PCDHA2: variants seen among roughly 807,000 people sequenced by gnomAD.
PCDHA2 encodes the protein protocadherin alpha-2.
Under a neutral mutation model 66.0 loss-of-function variants are expected in PCDHA2, and 58 were observed. The ratio of observed to expected loss-of-function variants is 0.88; its 90% confidence interval spans 0.71 to 1.09. The LOEUF (loss-of-function observed/expected upper bound fraction) is 1.09, where lower values mean the gene tolerates loss of function less well. PCDHA2 is among the 50% of genes least tolerant of loss of function. The probability of loss-of-function intolerance (pLI) is 0.00; values close to 1 mark genes in which losing one functional copy is unlikely to be tolerated. For missense variants in PCDHA2, 1,267 were observed against 1,242.3 expected, an observed-to-expected ratio of 1.02 and a Z score of -0.30; for synonymous variants, 634 against 554.0, an observed-to-expected ratio of 1.14 and a Z score of -2.03.
At position 140,882,068 on chromosome 5, in the gene PCDHA2, C is replaced by A. The variant is rs1219461637; in HGVS notation, c.2388+84716C>A. 8.4e-6 allele frequency: 7 copies of A among 837,710 alleles called. No homozygotes were observed. The East Asian group carries it at 1.9e-4, about 22-fold the overall frequency. The allele number at this position is 837,710 out of a possible 1,614,324, so 51.9% of individuals were successfully genotyped here. On this transcript the variant is annotated intron_variant, in intron 1 of 3. Coordinates refer to ENST00000526136, the MANE Select transcript of PCDHA2 (RefSeq NM_018905.3). ...TCATACTTACACTTACACGTTCATG[C>A]GCATGGTGTCGCTCTTCACTGAGAA...
At chr5:140,915,716 C>T (rs2077274657) in intron 1 of PCDHA2, among the ~76,000 whole-genome samples, 1 of 152,024 alleles carries the variant, frequency 6.6e-6, no homozygotes, top group East Asian at 1.9e-4. Context: ...GTGGCCCCCA[C>T]TTTGGATTGT....
chr5:140,959,060 T>C (rs1201389008), intron 1 of PCDHA2, among the ~76,000 whole-genome samples: 1 of 152,138 alleles, frequency 6.6e-6, no homozygotes, highest in Admixed American at 6.5e-5. Context: ...AAATGCAGTA[T>C]ATATAGAATT....
chr5:141,003,796 G>A (rs2098138988), intron 3 of PCDHA2, among the ~76,000 whole-genome samples: 1 of 152,168 alleles, frequency 6.6e-6, no homozygotes, highest in Non-Finnish European at 1.5e-5. Context: ...ATCCTATTGG[G>A]TTGTAATCTG....
At chr5:140,809,147 C>A in intron 1 of PCDHA2, 1 of 1,613,916 alleles carries the variant, frequency 6.2e-7, no homozygotes, top group Non-Finnish European at 8.5e-7. Flanking sequence ...GGTGAAGGAC[C>A]ACGGCGAGCC....
In PCDHA2 at chr5:140,822,727, A is replaced by C. The variant is rs17844292; in HGVS notation, c.2388+25375A>C. 23 of 1,612,342 alleles carry C rather than the reference A, an allele frequency of 1.4e-5. No homozygotes were observed. In the East Asian group the frequency reaches 4.9e-4, roughly 34 times the overall value. On this transcript the variant is annotated intron_variant, in intron 1 of 3. Transcript: ENST00000526136. ...TGAAGACTATAACTCATATGAAATTAATATTGATGCCATGGATAAAAGTAC... is the reference window on the plus strand; with the variant it reads ...TGAAGACTATAACTCATATGAAATTCATATTGATGCCATGGATAAAAGTAC...
At chr5:140,896,710 T>C (rs1231459059) in intron 1 of PCDHA2, among the ~76,000 whole-genome samples, 2 of 152,160 alleles carry the variant, frequency 1.3e-5, no homozygotes, top group Non-Finnish European at 2.9e-5. Flanking sequence ...TGTTTGTTTT[T>C]TGCTTGTTAA....
In PCDHA2 at chr5:140,856,987, C is replaced by T. The variant is rs144244943; in HGVS notation, c.2388+59635C>T. ...ATGCTATTGACTTTGAGGACAGTAA[C>T]ACTTATGAAATTCATGTAGATGTTA... On this transcript the variant is annotated intron_variant, in intron 1 of 3. Coordinates refer to ENST00000526136, the MANE Select transcript of PCDHA2 (RefSeq NM_018905.3). The T allele has an allele frequency of 7.5e-6, 12 of 1,595,122 alleles. No individual in the cohort carries two copies. The African/African-American group carries it at 1.3e-4, about 18-fold the overall frequency.
At chr5:140,941,191 T>TTTTCTTTCTTTCTTTC (rs1217097209) in intron 1 of PCDHA2, among the ~76,000 whole-genome samples, 1 of 93,206 alleles carries the variant, frequency 1.1e-5, no homozygotes, top group Admixed American at 1.2e-4. Flanking sequence ...GCTTCTTTTT[T>TTTTCTTTCTTTCTTTC]TTTCTTTCTT....
At chr5:140,877,205 GCGAGTTGGTACCGCGGT>G in intron 1 of PCDHA2, 1 of 1,613,826 alleles carries the variant, frequency 6.2e-7, no homozygotes, top group Non-Finnish European at 8.5e-7. Flanking sequence ...GGCGCAGTTA[GCGAGTTGGTACCGCGGT>G]CGGTGGGTGC....
In PCDHA2 at chr5:140,929,533, A is replaced by G; in HGVS notation, c.2389-49416A>G. 8.5e-6 allele frequency: 5 copies of G among 588,644 alleles called. No individual in the cohort carries two copies. The East Asian group carries it at 1.3e-4, about 16-fold the overall frequency. The allele number at this position is 588,644 out of a possible 1,614,324, so 36.5% of individuals were successfully genotyped here. The stretch of plus-strand genomic sequence containing the variant: ...AAGGGACTTATAGTTTATTTTTGAG[A>G]AACAAGGGCAAAAATTAAAACCTAT... On this transcript the variant is annotated intron_variant, in intron 1 of 3. Coordinates refer to ENST00000526136, the MANE Select transcript of PCDHA2 (RefSeq NM_018905.3).
intron 1 of PCDHA2, among the ~76,000 whole-genome samples, chr5:140,831,498 C>T (rs2150195161): frequency 1.8e-5 from 2 of 108,406 alleles, no homozygotes; most frequent in Non-Finnish European, 3.8e-5. Flanking sequence ...TTACTACACA[C>T]GAGCACCACC....
In PCDHA2 at chr5:140,846,504, A is replaced by G. The variant is rs910263180; in HGVS notation, c.2388+49152A>G. ...ATTCTCCTTCCTCAGCCTCCCAAGT[A>G]GCTGGGATTACAGGTGCATGCCACC... is the stretch of plus-strand genomic sequence containing the variant. On this transcript the variant is annotated intron_variant, in intron 1 of 3. Coordinates refer to ENST00000526136, the MANE Select transcript of PCDHA2 (RefSeq NM_018905.3). Among the ~76,000 whole-genome samples the G allele has an allele frequency of 1.4e-5, 2 of 146,302 alleles. 1 individual carries two copies. Among genetic ancestry groups the G allele is most frequent in the Non-Finnish European group, 3.0e-5 (2 of 66,038 alleles).
chr5:140,834,122 A>G (rs1171530396), intron 1 of PCDHA2: 1 of 434,976 alleles, frequency 2.3e-6, no homozygotes, highest in Non-Finnish European at 4.0e-6. Flanking sequence ...TTGAAATAAA[A>G]CTTTTCATCT....
At chr5:140,823,673 C>T (rs1767830997) in intron 1 of PCDHA2, 4 of 1,613,942 alleles carry the variant, frequency 2.5e-6, no homozygotes, top group Non-Finnish European at 3.4e-6. Flanking sequence ...ATCAGCACAA[C>T]ACGCTCTCTG....
rs368471539 is a variant in PCDHA2, at chr5:140,795,000, G to A, written c.36G>A (p.Trp12Ter). 1 of 1,613,726 alleles carries A rather than the reference G, an allele frequency of 6.2e-7. No homozygotes were observed. The highest frequency in any genetic ancestry group is 8.5e-7 in the Non-Finnish European group (1 of 1,179,870). The change falls in exon 1 of 4, where the codon TGG becomes TGA. Residue 12 changes from tryptophan (W) to a stop codon, truncating the protein, a stop_gained. Coordinates refer to ENST00000526136, the MANE Select transcript of PCDHA2 (RefSeq NM_018905.3). LOFTEE classifies it high-confidence loss of function. ...CTATCAGAAGGGGCCGAGGGGCCTG[G>A]ACACGGCTGCTCTCGCTTCTGCTCC... ...ASSIRRGRGA[W>*]TRLLSLLLLA...
intron 1 of PCDHA2, among the ~76,000 whole-genome samples, chr5:140,932,599 A>G (rs2088459196): frequency 6.6e-6 from 1 of 151,912 alleles, no homozygotes; most frequent in Non-Finnish European, 1.5e-5. Context: ...TTGTATATCT[A>G]TTTTGACTTT....
In PCDHA2 at chr5:140,796,057, C is replaced by T. The variant is rs945777469; in HGVS notation, c.1093C>T (p.Leu365=). 2 of 1,614,220 alleles carry T rather than the reference C, an allele frequency of 1.2e-6. No individual in the cohort carries two copies. The highest frequency in any genetic ancestry group is 1.3e-5 in the African/African-American group (1 of 75,064). The stretch of plus-strand genomic sequence containing the variant: ...ACTTCCCATCTCAGAGAACGCTTCC[C>T]TGGGCACTGTCATTGCTCTCATCAC... ...LSLPISENAS[L]GTVIALITVS... The change falls in exon 1 of 4, where the codon CTG becomes TTG. Residue 365 remains leucine, a synonymous_variant. Transcript: ENST00000526136.
rs982709387 is a variant in PCDHA2, at chr5:141,003,306, C to T, written c.2537-6321C>T. ...TGGATTATAGGATTACATGAAGTGG[C>T]CAGCTACTTCCAGAGGGCAGGGTTT... On this transcript the variant is annotated intron_variant, in intron 3 of 3. Coordinates refer to ENST00000526136, the MANE Select transcript of PCDHA2 (RefSeq NM_018905.3). 1.7e-4 allele frequency among the ~76,000 whole-genome samples: 26 copies of T among 152,276 alleles called. No homozygotes were observed. In the East Asian group the frequency reaches 4.1e-3, roughly 24 times the overall value.
chr5:140,870,935 A>C, intron 1 of PCDHA2: 2 of 1,613,778 alleles, frequency 1.2e-6, no homozygotes, highest in African/African-American at 2.7e-5. Context: ...TATGAATTGC[A>C]GCCGGCGGCG....
Sources: gnomAD v4.1 joint callset for allele counts (sites outside exome capture counted in the v4.1 genomes callset) on GRCh38, gnomAD v4.1.1 for gene constraint, MANE v1.5 for transcripts, NCBI Gene and HGNC (gene_info 2026-07-23, HGNC 2026-07-21) for gene names.